The following CCDC7 variants were observed in gnomAD, a reference collection of about 807,000 sequenced individuals.
The protein encoded by CCDC7 is coiled-coil domain containing 7.
A neutral mutation model predicts 196.9 loss-of-function variants in CCDC7; 183 were observed. The observed-to-expected ratio is 0.93, with a 90% CI of 0.82 to 1.05. The LOEUF is 1.05. CCDC7 is among the 50% of genes least tolerant of loss of function. CCDC7 has a pLI of 0.00. For synonymous variants in CCDC7, 525 were observed against 484.6 expected, an observed-to-expected ratio of 1.08 and a Z score of -1.10; for missense variants, 1,540 against 1,482.2, an observed-to-expected ratio of 1.04 and a Z score of -0.64.
chr10:32,621,770 G>A (rs954267925), intron 18 of CCDC7, among the ~76,000 whole-genome samples: 2 of 152,154 alleles, frequency 1.3e-5, no homozygotes, highest in Admixed American at 1.3e-4. Flanking sequence ...AAGAAAGGGA[G>A]AACTTATTGT....
chr10:32,567,592 T>C, intron 14 of CCDC7, 78 bp from the exon 16 acceptor site: 1 of 1,448,306 alleles, frequency 6.9e-7, no homozygotes, highest in East Asian at 2.5e-5. Context: ...CGTAAATATA[T>C]GTAGATTCCT....
At chr10:32,493,241 A>G (rs1227972498) in intron 9 of CCDC7, among the ~76,000 whole-genome samples, 1 of 152,008 alleles carries the variant, frequency 6.6e-6, no homozygotes, top group African/African-American at 2.4e-5. Flanking sequence ...AGGGTTCTAC[A>G]TATAAGTGAG....
intron 9 of CCDC7, among the ~76,000 whole-genome samples, chr10:32,494,256 C>G (rs1358684810): frequency 6.6e-6 from 1 of 152,098 alleles, no homozygotes; most frequent in Non-Finnish European, 1.5e-5. Context: ...TCTGTAGTCT[C>G]TTCAACACAA....
chr10:32,656,475 AG>A (rs2069893015), intron 20 of CCDC7, among the ~76,000 whole-genome samples: 2 of 152,188 alleles, frequency 1.3e-5, no homozygotes, highest in African/African-American at 4.8e-5. Context: ...TCATGGCAGA[AG>A]GGGAAGCAAA....
chr10:32,658,093 C>T (rs577861602), intron 20 of CCDC7, among the ~76,000 whole-genome samples: 56 of 152,294 alleles, frequency 3.7e-4, no homozygotes, highest in African/African-American at 1.3e-3. Context: ...TAACAAGTCT[C>T]CAGGAAGTTC....
intron 3 of CCDC7, among the ~76,000 whole-genome samples, chr10:32,462,030 C>G (rs1032692364): frequency 6.6e-6 from 1 of 151,810 alleles, no homozygotes; most frequent in African/African-American, 2.4e-5. Context: ...CCTTGGCCTC[C>G]CAAAGTGCTG....
chr10:32,711,021 A>G (rs2080733926), intron 24 of CCDC7, among the ~76,000 whole-genome samples: 1 of 152,206 alleles, frequency 6.6e-6, no homozygotes, highest in African/African-American at 2.4e-5. Context: ...CACTGTATGT[A>G]CAGCCATGTG....
chr10:32,717,173 G>A (rs1245263346), intron 25 of CCDC7, among the ~76,000 whole-genome samples: 20 of 151,596 alleles, frequency 1.3e-4, no homozygotes, highest in African/African-American at 4.1e-4. Flanking sequence ...AATGGAAATC[G>A]TAACAATCTC....
intron 32 of CCDC7, among the ~76,000 whole-genome samples, chr10:32,828,452 AGAAGAAGAAGAAGAG>A (rs1438673617): frequency 3.0e-4 from 26 of 86,290 alleles, no homozygotes; most frequent in Middle Eastern, 6.0e-3. Flanking sequence ...AAGAAGAAGA[AGAAGAAGAAGAAGAG>A]GAAGAGGAAG....
At chr10:32,486,247 T>C (rs2041062503) in intron 8 of CCDC7, among the ~76,000 whole-genome samples, 1 of 152,098 alleles carries the variant, frequency 6.6e-6, no homozygotes, top group South Asian at 2.1e-4. Flanking sequence ...TTTACCATTA[T>C]GTAATGGCCT....
At chr10:32,513,459 A>T (rs2046536118) in intron 9 of CCDC7, 1 of 152,132 alleles carries the variant, frequency 6.6e-6, no homozygotes, top group South Asian at 2.1e-4. Context: ...CTTCTAAAAA[A>T]TTAAAGAGTT....
intron 24 of CCDC7, among the ~76,000 whole-genome samples, chr10:32,701,486 GTTGT>G (rs1290116306): frequency 6.6e-6 from 1 of 151,988 alleles, no homozygotes; most frequent in Non-Finnish European, 1.5e-5. Flanking sequence ...CTCTTTTTTG[GTTGT>G]GTGTCTGCCA....
At chr10:32,602,838 A>G (rs1239538839) in intron 18 of CCDC7, among the ~76,000 whole-genome samples, 1 of 152,146 alleles carries the variant, frequency 6.6e-6, no homozygotes, top group African/African-American at 2.4e-5. Flanking sequence ...TTGATGCATA[A>G]TATTTGTACA....
At chr10:32,752,721 A>G (rs955073736) in intron 28 of CCDC7, among the ~76,000 whole-genome samples, 4 of 152,194 alleles carry the variant, frequency 2.6e-5, no homozygotes, top group Non-Finnish European at 5.9e-5. Flanking sequence ...ACTCTTAATT[A>G]TTTAAAAATA....
At chr10:32,832,270 G>A (rs745403660) in intron 32 of CCDC7, among the ~76,000 whole-genome samples, 11 of 152,248 alleles carry the variant, frequency 7.2e-5, no homozygotes, top group Non-Finnish European at 1.3e-4. Context: ...GGGAGGCCAA[G>A]GTGGGGGTGG....
chr10:32,874,072 T>C (rs983735530), intron 41 of CCDC7, among the ~76,000 whole-genome samples: 1 of 151,226 alleles, frequency 6.6e-6, no homozygotes, highest in Non-Finnish European at 1.5e-5. Context: ...GTCTCAAGCA[T>C]TTTGTATAAC....
chr10:32,742,422 C>T (rs1169308479), intron 28 of CCDC7, among the ~76,000 whole-genome samples: 3 of 152,190 alleles, frequency 2.0e-5, no homozygotes, highest in South Asian at 2.1e-4. Flanking sequence ...TGTGTGATGA[C>T]ATGTATATGA....
intron 21 of CCDC7, among the ~76,000 whole-genome samples, chr10:32,678,399 C>T (rs1046045351): frequency 3.3e-5 from 5 of 152,122 alleles, no homozygotes; most frequent in Non-Finnish European, 2.9e-5. Flanking sequence ...ACTAGACAGC[C>T]CAGCCAGAGT....
intron 16 of CCDC7, among the ~76,000 whole-genome samples, chr10:32,581,657 GC>G: frequency 6.6e-6 from 1 of 152,296 alleles, no homozygotes; most frequent in South Asian, 2.1e-4. Flanking sequence ...AGTGGGGAAA[GC>G]CTGAACGTGG....
Sources: gnomAD v4.1 joint callset for allele counts (sites outside exome capture counted in the v4.1 genomes callset) on GRCh38, gnomAD v4.1.1 for gene constraint, MANE v1.5 for transcripts, NCBI Gene and HGNC (gene_info 2026-07-23, HGNC 2026-07-21) for gene names.